The following WDR70 variants were observed in gnomAD, a reference collection of about 807,000 sequenced individuals.
WDR70 encodes the protein WD repeat domain 70.
Under a neutral mutation model 88.6 loss-of-function variants are expected in WDR70, and 53 were observed. The observed-to-expected ratio is 0.60, with a 90% CI of 0.48 to 0.75. WDR70 has a LOEUF of 0.75. Ranked by LOEUF, WDR70 falls within the 30% of genes least tolerant of loss-of-function variation. The pLI is 0.00. For synonymous variants in WDR70, 280 were observed against 270.0 expected (o/e 1.04, Z -0.36); for missense variants, 610 against 823.2 (o/e 0.74, Z 3.17).
At chr5:37,414,138 CTG>C (rs1749617014) in intron 5 of WDR70, among the ~76,000 whole-genome samples, 1 of 127,560 alleles carries the variant, frequency 7.8e-6, no homozygotes, top group Non-Finnish European at 1.6e-5. Context: ...GAGCAAAACT[CTG>C]TCTCAAAAAA....
intron 9 of WDR70, among the ~76,000 whole-genome samples, chr5:37,587,130 G>A (rs1743385444): frequency 6.6e-6 from 1 of 151,906 alleles, no homozygotes; most frequent in South Asian, 2.1e-4. Flanking sequence ...CTTCCCTACT[G>A]CCATCCAAGT....
At chr5:37,681,933 G>A (rs916970711) in intron 10 of WDR70, among the ~76,000 whole-genome samples, 3 of 152,060 alleles carry the variant, frequency 2.0e-5, no homozygotes, top group African/African-American at 7.2e-5. Context: ...TCAAGATGAT[G>A]CTGGCCTCAT....
At chr5:37,530,773 GT>G (rs57043165) in intron 9 of WDR70, among the ~76,000 whole-genome samples, 22,496 of 127,836 alleles carry the variant, frequency 0.18, 1,687 homozygotes, top group South Asian at 0.28. Flanking sequence ...TTTATCTTTT[GT>G]TTTTTTTTTT....
At chr5:37,719,681 A>C (rs1335525879) in intron 13 of WDR70, among the ~76,000 whole-genome samples, 1 of 152,172 alleles carries the variant, frequency 6.6e-6, no homozygotes, top group Non-Finnish European at 1.5e-5. Context: ...GATATGAATT[A>C]AATAAAAGTC....
At chr5:37,568,510 A>G (rs1032603427) in intron 9 of WDR70, among the ~76,000 whole-genome samples, 3 of 152,218 alleles carry the variant, frequency 2.0e-5, no homozygotes, top group African/African-American at 7.2e-5. Context: ...CTCTGAAATC[A>G]GTGGGGCAAG....
At chr5:37,701,650 G>A (rs755973154) in intron 12 of WDR70, among the ~76,000 whole-genome samples, 3 of 152,010 alleles carry the variant, frequency 2.0e-5, no homozygotes, top group Non-Finnish European at 4.4e-5. Flanking sequence ...ATTAGCCGTG[G>A]TGGCGGGTGC....
chr5:37,421,377 A>T (rs1255725559), intron 5 of WDR70, among the ~76,000 whole-genome samples: 1 of 152,200 alleles, frequency 6.6e-6, no homozygotes, highest in African/African-American at 2.4e-5. Context: ...GCTGATCAAT[A>T]CTTAGTACAC....
chr5:37,696,822 G>A (rs1746996872), intron 10 of WDR70, among the ~76,000 whole-genome samples: 1 of 152,228 alleles, frequency 6.6e-6, no homozygotes, highest in African/African-American at 2.4e-5. Flanking sequence ...CAGTTACTGA[G>A]TCATAACTGA....
intron 10 of WDR70, among the ~76,000 whole-genome samples, chr5:37,657,909 T>G (rs1386392716): frequency 2.0e-5 from 3 of 152,244 alleles, no homozygotes; most frequent in Non-Finnish European, 2.9e-5. Flanking sequence ...CGTTTAACTT[T>G]TGACTCGCAG....
chr5:37,634,954 CTTG>C (rs1744915162), intron 10 of WDR70, among the ~76,000 whole-genome samples: 1 of 151,794 alleles, frequency 6.6e-6, no homozygotes, highest in South Asian at 2.1e-4. Flanking sequence ...ATTTTGGGGG[CTTG>C]TATCCATGCC....
intron 8 of WDR70, among the ~76,000 whole-genome samples, chr5:37,492,575 C>G (rs927312087): frequency 6.6e-6 from 1 of 152,202 alleles, no homozygotes; most frequent in Non-Finnish European, 1.5e-5. Context: ...CAGTTGGGCT[C>G]TTCCTGGCAA....
chr5:37,564,275 G>T lies in WDR70; in HGVS notation c.918-40789G>T, dbSNP rs534677559. On this transcript the variant is annotated intron_variant, in intron 9 of 17. Transcript: ENST00000265107. The stretch of plus-strand genomic sequence containing the variant: ...GAACGCGACTCCGTCTGCCATCCCG[G>T]CACCTCGGGAGGCCGAGGCTGGCAG... Among the ~76,000 whole-genome samples, 4 of 152,348 alleles carry T rather than the reference G, an allele frequency of 2.6e-5. No individual in the cohort carries two copies. The East Asian group carries it at 7.7e-4, about 29-fold the overall frequency.
rs1247498787 is a variant in WDR70, at chr5:37,673,187, A to G, written c.1093-24468A>G. Reference sequence around the variant, plus strand: ...CTGTTCCTGTGTTAGTTTGCTAAGCATAATGGCCTCCATCTCCATCCATGT... The same window carrying G: ...CTGTTCCTGTGTTAGTTTGCTAAGCGTAATGGCCTCCATCTCCATCCATGT... On this transcript the variant is annotated intron_variant, in intron 10 of 17. Coordinates refer to ENST00000265107, the MANE Select transcript of WDR70 (RefSeq NM_018034.4). Among the ~76,000 whole-genome samples, 6 of 152,298 alleles carry G rather than the reference A, an allele frequency of 3.9e-5. No homozygotes were observed. The East Asian group carries it at 9.7e-4, about 25-fold the overall frequency.
chr5:37,519,911 T>G (rs1007465259), intron 9 of WDR70, among the ~76,000 whole-genome samples: 60 of 152,272 alleles, frequency 3.9e-4, no homozygotes, highest in African/African-American at 1.4e-3. Context: ...TGAGGGTCCC[T>G]TTTTCTCCAC....
intron 3 of WDR70, among the ~76,000 whole-genome samples, chr5:37,384,528 C>CGGGCGCCTGTA (rs1449378082): frequency 2.0e-5 from 3 of 151,486 alleles, no homozygotes; most frequent in Non-Finnish European, 2.9e-5. Flanking sequence ...GGCGTGGTGG[C>CGGGCGCCTGTA]GGGCGCCTGT....
At chr5:37,406,710 G>A (rs190879287) in intron 5 of WDR70, among the ~76,000 whole-genome samples, 21 of 152,032 alleles carry the variant, frequency 1.4e-4, no homozygotes, top group African/African-American at 5.1e-4. Flanking sequence ...TAGCAAAAGA[G>A]GAATTGAAAA....
chr5:37,624,051 G>A (rs1467792238), intron 10 of WDR70, among the ~76,000 whole-genome samples: 1 of 152,018 alleles, frequency 6.6e-6, no homozygotes, highest in Non-Finnish European at 1.5e-5. Flanking sequence ...TTTGTGTTGG[G>A]AATTTTCAGT....
intron 5 of WDR70, among the ~76,000 whole-genome samples, chr5:37,407,575 A>G (rs184198858): frequency 8.5e-5 from 13 of 152,212 alleles, no homozygotes; most frequent in East Asian, 3.9e-4. Context: ...ATATTTCTCA[A>G]ATTTTTCCCA....
chr5:37,659,814 G>A (rs762215635), intron 10 of WDR70, among the ~76,000 whole-genome samples: 3 of 151,986 alleles, frequency 2.0e-5, no homozygotes, highest in Non-Finnish European at 2.9e-5. Context: ...CCATCATAGC[G>A]GCCCATCCTC....
Sources: gnomAD v4.1 joint callset for allele counts (sites outside exome capture counted in the v4.1 genomes callset) on GRCh38, gnomAD v4.1.1 for gene constraint, MANE v1.5 for transcripts, NCBI Gene and HGNC (gene_info 2026-07-23, HGNC 2026-07-21) for gene names.